TP53BP2: variants seen among roughly 807,000 people sequenced by gnomAD.
The protein encoded by TP53BP2 is apoptosis-stimulating of p53 protein 2.
A neutral mutation model predicts 126.2 loss-of-function variants in TP53BP2; 62 were observed. The observed-to-expected ratio is 0.49, with a 90% CI of 0.40 to 0.61. The LOEUF (loss-of-function observed/expected upper bound fraction) is 0.61, where lower values mean the gene tolerates loss of function less well. Ranked by LOEUF, TP53BP2 falls within the 20% of genes least tolerant of loss-of-function variation. The probability of loss-of-function intolerance (pLI) is 0.00; values close to 1 mark genes in which losing one functional copy is unlikely to be tolerated. For synonymous variants in TP53BP2, 485 were observed against 502.9 expected, an observed-to-expected ratio of 0.96 and a Z score of 0.48; for missense variants, 1,215 against 1,402.8, an observed-to-expected ratio of 0.87 and a Z score of 2.14.
chr1:223,831,566 T>C (rs927938293), intron 1 of TP53BP2, among the ~76,000 whole-genome samples: 7 of 145,512 alleles, frequency 4.8e-5, no homozygotes, highest in Non-Finnish European at 9.0e-5. Context: ...GAGGCAAGTA[T>C]AGCTATCACT....
chr1:223,839,308 A>C (rs1475481972), intron 1 of TP53BP2, among the ~76,000 whole-genome samples: 1 of 152,198 alleles, frequency 6.6e-6, no homozygotes, highest in East Asian at 1.9e-4. Flanking sequence ...TTCAGAGTGT[A>C]ATAAGGGGAT....
In TP53BP2 at chr1:223,797,922, C is replaced by CA. The variant is rs1372246302; in HGVS notation, c.1948+292dup. 2.0e-5 allele frequency among the ~76,000 whole-genome samples: 3 copies of CA among 152,228 alleles called. No homozygotes were observed. In the East Asian group the frequency reaches 5.8e-4, roughly 29 times the overall value. Reference sequence around the variant, plus strand: ...ACATCTGGTCAACCTACAGTGAAGACACACACCTTCCTTCTGCACTGTAAT... The same window carrying CA: ...ACATCTGGTCAACCTACAGTGAAGACAACACACCTTCCTTCTGCACTGTAAT... On this transcript the variant is annotated intron_variant, in intron 12 of 17. Coordinates refer to ENST00000343537, the MANE Select transcript of TP53BP2 (RefSeq NM_001031685.3).
intron 1 of TP53BP2, among the ~76,000 whole-genome samples, chr1:223,840,018 A>C (rs932724040): frequency 3.9e-5 from 6 of 152,258 alleles, no homozygotes; most frequent in African/African-American, 1.4e-4. Context: ...TTCGATTATC[A>C]TCCAAATAAA....
intron 11 of TP53BP2, among the ~76,000 whole-genome samples, 178 bp downstream of exon 11, chr1:223,799,721 G>A (rs1233162828): frequency 6.6e-6 from 1 of 152,192 alleles, no homozygotes; most frequent in African/African-American, 2.4e-5. Context: ...CCCACCGGGT[G>A]TGAGAGCACA....
intron 1 of TP53BP2, among the ~76,000 whole-genome samples, chr1:223,831,514 T>C (rs1328756399): frequency 7.8e-6 from 1 of 128,718 alleles, no homozygotes; most frequent in Non-Finnish European, 1.6e-5. Flanking sequence ...TATATATATA[T>C]ATACTGACCT....
chr1:223,787,879 A>AAAAT (rs995735652), intron 16 of TP53BP2, among the ~76,000 whole-genome samples: 200 of 151,976 alleles, frequency 1.3e-3, no homozygotes, highest in Middle Eastern at 3.4e-3. Context: ...CCCTACCTCA[A>AAAAT]AAATAAATAA....
In TP53BP2 at chr1:223,802,228, C is replaced by A; in HGVS notation, c.1113G>T (p.Leu371Phe). ...CATCCGGCAGGGCTGGCTTCACCAG[C>A]AATTCAGGCCTTGAGGGCATCCGAG... ...TMPRMPSRPE[L>F]LVKPALPDGS... The change falls in exon 9 of 18, where the codon TTG becomes TTT. Residue 371 changes from leucine (L) to phenylalanine (F), a missense_variant. By Grantham distance (22) the Leu-to-Phe change is conservative (BLOSUM62 0). Coordinates refer to ENST00000343537, the MANE Select transcript of TP53BP2 (RefSeq NM_001031685.3). 1 of 1,614,192 alleles carries A rather than the reference C, an allele frequency of 6.2e-7. No individual in the cohort carries two copies. The highest frequency in any genetic ancestry group is 8.5e-7 in the Non-Finnish European group (1 of 1,180,020).
chr1:223,807,027 T>A, intron 4 of TP53BP2, 80 bp from the exon 5 acceptor site: 1 of 1,071,710 alleles, frequency 9.3e-7, no homozygotes, highest in East Asian at 2.5e-5. Context: ...AAGGTCTATG[T>A]AAAAGCTTCA....
chr1:223,782,878 G>A (rs1661819700), intron 17 of TP53BP2, among the ~76,000 whole-genome samples: 1 of 152,106 alleles, frequency 6.6e-6, no homozygotes, highest in Non-Finnish European at 1.5e-5. Flanking sequence ...AACTTATTAT[G>A]AAATGGTTAT....
intron 1 of TP53BP2, among the ~76,000 whole-genome samples, chr1:223,833,939 C>T (rs1663829947): frequency 1.3e-5 from 2 of 152,116 alleles, no homozygotes; most frequent in African/African-American, 4.8e-5. Flanking sequence ...GGGAGGATGG[C>T]TGATCATGAT....
rs1339395703 is a variant in TP53BP2 at position 223,784,284 on chromosome 1, T to A, written c.3194A>T (p.Lys1065Ile). The change falls in exon 17 of 18, where the codon AAA becomes ATA. Residue 1065 changes from lysine (K) to isoleucine (I), a missense_variant. By Grantham distance (102) the Lys-to-Ile change is moderately radical. Transcript: ENST00000343537. ...ATCCCAAAGCGCATAAATGACTCCTTTATTCATTATGCCCATCTTCTCCTG... is the reference window on the plus strand; with the variant it reads ...ATCCCAAAGCGCATAAATGACTCCTATATTCATTATGCCCATCTTCTCCTG... ...GVQEKMGIMN[K>I]GVIYALWDYE... 2 of 1,614,064 alleles carry A rather than the reference T, an allele frequency of 1.2e-6. No homozygotes were observed. Among genetic ancestry groups the A allele is most frequent in the African/African-American group, 2.7e-5 (2 of 74,942 alleles).
In TP53BP2 at chr1:223,815,894, G is replaced by A. The variant is rs936994753; in HGVS notation, c.176-1541C>T. 2.0e-5 allele frequency among the ~76,000 whole-genome samples: 3 copies of A among 152,212 alleles called. No individual in the cohort carries two copies. In the East Asian group the frequency reaches 5.8e-4, roughly 29 times the overall value. ...GTTTGTAGCCTAGGAGCAAAAGGCT[G>A]TATACCATATAGCCTAGGTGTGTAG... On this transcript the variant is annotated intron_variant, in intron 2 of 17. Coordinates refer to ENST00000343537, the MANE Select transcript of TP53BP2 (RefSeq NM_001031685.3).
intron 3 of TP53BP2, among the ~76,000 whole-genome samples, chr1:223,811,800 T>C (rs1185240158): frequency 1.3e-5 from 2 of 152,208 alleles, no homozygotes; most frequent in African/African-American, 4.8e-5. Context: ...ACAATCCTTG[T>C]TTTATCCCAA....
At chr1:223,793,482 G>A (rs1410544948) in intron 13 of TP53BP2, 42 bp from the exon 14 acceptor site, 2 of 1,473,846 alleles carry the variant, frequency 1.4e-6, no homozygotes, top group Admixed American at 2.5e-5. Context: ...CCTCGTCTAT[G>A]CAAGAGAACA....
chr1:223,807,239 G>T (rs1212493516), intron 4 of TP53BP2, among the ~76,000 whole-genome samples: 1 of 152,132 alleles, frequency 6.6e-6, no homozygotes, highest in East Asian at 1.9e-4. Flanking sequence ...GAACAATTCA[G>T]AATTACCTTG....
intron 1 of TP53BP2, among the ~76,000 whole-genome samples, chr1:223,822,359 G>T (rs1245149168): frequency 6.6e-6 from 1 of 151,906 alleles, no homozygotes; most frequent in East Asian, 1.9e-4. Context: ...ACCAACAGAA[G>T]GTTTACATTT....
At chr1:223,812,972 A>G (rs540066554) in intron 3 of TP53BP2, among the ~76,000 whole-genome samples, 25 of 152,294 alleles carry the variant, frequency 1.6e-4, no homozygotes, top group Non-Finnish European at 3.2e-4. Context: ...TGCTGGGATT[A>G]CAGGCATGAG....
At chr1:223,836,283 G>C (rs900558156) in intron 1 of TP53BP2, among the ~76,000 whole-genome samples, 6 of 152,256 alleles carry the variant, frequency 3.9e-5, no homozygotes, top group Non-Finnish European at 5.9e-5. Flanking sequence ...ATATGCAACA[G>C]AGTACAACTT....
intron 11 of TP53BP2, 82 bp downstream of exon 11, chr1:223,799,817 C>T: frequency 7.8e-7 from 1 of 1,284,892 alleles, no homozygotes; most frequent in South Asian, 1.9e-5. Context: ...TTCTGCTCTC[C>T]CTCACACAAT....
Sources: gnomAD v4.1 joint callset for allele counts (sites outside exome capture counted in the v4.1 genomes callset) on GRCh38, gnomAD v4.1.1 for gene constraint, MANE v1.5 for transcripts, NCBI Gene and HGNC (gene_info 2026-07-23, HGNC 2026-07-21) for gene names.